The following DPP10 variants were observed in gnomAD, a reference collection of about 807,000 sequenced individuals.
DPP10 encodes inactive dipeptidyl peptidase 10.
In DPP10, 33 loss-of-function variants were observed where a neutral mutation model predicts 120.9. The ratio of observed to expected loss-of-function variants is 0.27; its 90% confidence interval spans 0.21 to 0.37. The LOEUF (loss-of-function observed/expected upper bound fraction) is 0.37, where lower values mean the gene tolerates loss of function less well. Among genes scored for constraint, DPP10 ranks in the 10% least tolerant of loss-of-function variants. The probability of loss-of-function intolerance (pLI) is 1.00; values close to 1 mark genes in which losing one functional copy is unlikely to be tolerated. For missense variants in DPP10, 816 were observed against 942.8 expected (o/e 0.87, Z 1.76); for synonymous variants, 337 against 326.1 (o/e 1.03, Z -0.36).
intron 1 of DPP10, among the ~76,000 whole-genome samples, chr2:114,830,086 C>T (rs1686955718): frequency 6.6e-6 from 1 of 152,144 alleles, no homozygotes; most frequent in Non-Finnish European, 1.5e-5. Flanking sequence ...GCTCCTCACC[C>T]TAAGTAGGTA....
intron 5 of DPP10, among the ~76,000 whole-genome samples, chr2:115,539,166 A>C (rs1221945482): frequency 6.6e-6 from 1 of 152,040 alleles, no homozygotes; most frequent in Non-Finnish European, 1.5e-5. Context: ...TATAGGAGAC[A>C]GTCATAATTC....
At chr2:115,682,073 T>C (rs79227271) in intron 5 of DPP10, among the ~76,000 whole-genome samples, 3,002 of 152,064 alleles carry the variant, frequency 0.02, 91 homozygotes, top group African/African-American at 0.067. Context: ...TTTGGCTCTC[T>C]GTCCTATTGC....
chr2:115,614,181 A>G (rs962159834), intron 5 of DPP10, among the ~76,000 whole-genome samples: 6 of 152,334 alleles, frequency 3.9e-5, no homozygotes, highest in East Asian at 3.9e-4. Flanking sequence ...ATGCAATTAT[A>G]GAATTGGAAA....
In DPP10 at chr2:115,307,536, C is replaced by T. The variant is rs371069563; in HGVS notation, c.61-1703C>T. 4.0e-4 allele frequency among the ~76,000 whole-genome samples: 61 copies of T among 152,198 alleles called. 1 individual carries two copies. Among genetic ancestry groups the T allele is most frequent in the Admixed American group, 1.7e-3 (26 of 15,258 alleles). ...ATGGTTCTTGGCCCAGATACCCATTCGCTGTTGGTTACTGCCCTTTTTTTC... is the reference window on the plus strand; with the variant it reads ...ATGGTTCTTGGCCCAGATACCCATTTGCTGTTGGTTACTGCCCTTTTTTTC... On this transcript the variant is annotated intron_variant, in intron 1 of 25. Transcript: ENST00000410059.
chr2:115,577,974 T>C (rs1430182684), intron 5 of DPP10, among the ~76,000 whole-genome samples: 1 of 152,196 alleles, frequency 6.6e-6, no homozygotes, highest in African/African-American at 2.4e-5. Flanking sequence ...ATTATTACAA[T>C]TATTAATTCC....
At chr2:114,551,667 C>T (rs532312953) in intron 1 of DPP10, among the ~76,000 whole-genome samples, 3 of 152,108 alleles carry the variant, frequency 2.0e-5, no homozygotes, top group African/African-American at 7.2e-5. Context: ...ACATCAGAGG[C>T]CTCTCTTGTC....
At position 114,897,085 on chromosome 2, in the gene DPP10, C is replaced by G. The variant is rs573906908; in HGVS notation, c.61-412154C>G. ...CCAGCCTTGCATCCCAGGGATGAAG[C>G]CCACTTGATCATGGTGGATAAGCTT... On this transcript the variant is annotated intron_variant, in intron 1 of 25. Transcript: ENST00000410059. 5.7e-4 allele frequency among the ~76,000 whole-genome samples: 87 copies of G among 152,192 alleles called. No individual in the cohort carries two copies. In the East Asian group the frequency reaches 0.016, roughly 27 times the overall value.
intron 1 of DPP10, among the ~76,000 whole-genome samples, chr2:115,139,724 T>TAAAAAAAAAAAAAAA (rs55826687): frequency 4.1e-4 from 23 of 56,632 alleles, no homozygotes; most frequent in East Asian, 2.1e-3. Context: ...GTAAAAATAC[T>TAAAAAAAAAAAAAAA]AAAAAAAAAA....
chr2:114,800,625 G>A (rs1553430539), intron 1 of DPP10, among the ~76,000 whole-genome samples: 3 of 152,170 alleles, frequency 2.0e-5, no homozygotes, highest in Non-Finnish European at 2.9e-5. Flanking sequence ...GATTGTTATT[G>A]TTCTTCTAGA....
intron 2 of DPP10, among the ~76,000 whole-genome samples, chr2:115,341,327 T>G (rs1446151241): frequency 6.6e-6 from 1 of 152,004 alleles, no homozygotes; most frequent in Non-Finnish European, 1.5e-5. Flanking sequence ...GAGTGAAAGG[T>G]ACAGGAATTT....
At chr2:115,763,688 C>A (rs1680372791) in intron 12 of DPP10, among the ~76,000 whole-genome samples, 1 of 152,176 alleles carries the variant, frequency 6.6e-6, no homozygotes, top group Non-Finnish European at 1.5e-5. Flanking sequence ...TCTGTTCACA[C>A]TGCAGGCTAA....
At chr2:114,486,287 T>C (rs888023002) in intron 1 of DPP10, among the ~76,000 whole-genome samples, 6 of 152,036 alleles carry the variant, frequency 3.9e-5, no homozygotes, top group Admixed American at 1.3e-4. Context: ...GACATCCATA[T>C]GGGTCTTGTT....
chr2:114,604,422 C>G (rs1692624974), intron 1 of DPP10, among the ~76,000 whole-genome samples: 1 of 152,016 alleles, frequency 6.6e-6, no homozygotes, highest in Admixed American at 6.6e-5. Context: ...TAGTTGCGTG[C>G]CAGGACACAA....
At chr2:115,410,745 A>C (rs1299098723) in intron 3 of DPP10, among the ~76,000 whole-genome samples, 1 of 152,204 alleles carries the variant, frequency 6.6e-6, no homozygotes, top group Non-Finnish European at 1.5e-5. Context: ...GTGTGCACCA[A>C]AATCTCCTAA....
At chr2:114,454,551 G>C (rs764907187) in intron 1 of DPP10, among the ~76,000 whole-genome samples, 1 of 152,084 alleles carries the variant, frequency 6.6e-6, no homozygotes, top group Non-Finnish European at 1.5e-5. Context: ...ACTAGTTTTT[G>C]TTACCCAAGG....
At chr2:114,703,458 T>C (rs1057510054) in intron 1 of DPP10, among the ~76,000 whole-genome samples, 1 of 152,218 alleles carries the variant, frequency 6.6e-6, no homozygotes, top group African/African-American at 2.4e-5. Context: ...TTTTTAGGCT[T>C]TCCCAAGTGG....
intron 1 of DPP10, among the ~76,000 whole-genome samples, chr2:115,193,958 C>G (rs565221483): frequency 6.6e-5 from 10 of 152,182 alleles, no homozygotes; most frequent in Non-Finnish European, 1.3e-4. Flanking sequence ...ATTTGGATCC[C>G]CTGTTAGGAA....
intron 5 of DPP10, among the ~76,000 whole-genome samples, chr2:115,591,950 T>C (rs2082690224): frequency 6.6e-6 from 1 of 152,222 alleles, no homozygotes; most frequent in Non-Finnish European, 1.5e-5. Flanking sequence ...ACTCATGATT[T>C]GGCTCTCTGT....
intron 1 of DPP10, among the ~76,000 whole-genome samples, chr2:115,153,609 T>C (rs1194350936): frequency 1.3e-5 from 2 of 152,208 alleles, no homozygotes; most frequent in Non-Finnish European, 2.9e-5. Context: ...TCTAACTCTC[T>C]ATCTAGCCTA....
Sources: allele counts gnomAD v4.1 joint callset (sites outside exome capture counted in the v4.1 genomes callset), GRCh38; gene constraint gnomAD v4.1.1; transcripts MANE v1.5; gene names NCBI Gene and HGNC (gene_info 2026-07-23, HGNC 2026-07-21).